ZNF469: variants seen among roughly 807,000 people sequenced by gnomAD.
The protein encoded by ZNF469 is zinc finger protein 469.
A neutral mutation model predicts 1.0 loss-of-function variants in ZNF469; 1 was observed. The observed-to-expected ratio is 1.00, with a 90% confidence interval of 0.35 to 4.73. The LOEUF (loss-of-function observed/expected upper bound fraction) is 4.73, where lower values mean the gene tolerates loss of function less well. Ranked by LOEUF, ZNF469 falls within the 30% of genes most tolerant of loss-of-function variation. The probability of loss-of-function intolerance (pLI) is 0.16; values close to 1 mark genes in which losing one functional copy is unlikely to be tolerated. For synonymous variants in ZNF469, 2,703 were observed against 2,363.4 expected (o/e 1.14, Z -4.17); for missense variants, 6,100 against 5,356.3 (o/e 1.14, Z -4.33).
At chr16:88,210,108 G>A in the ZNF469 span, among the ~76,000 whole-genome samples, 3 of 152,198 alleles carry the variant, frequency 2.0e-5, no homozygotes, top group Non-Finnish European at 2.9e-5. Context: ...AAATGAGACC[G>A]CAATGTAGCT....
At chr16:88,408,165 T>G (rs942983944) in intron 1 of ZNF469, among the ~76,000 whole-genome samples, 4 of 152,344 alleles carry the variant, frequency 2.6e-5, no homozygotes, top group East Asian at 1.9e-4. Flanking sequence ...TTGTGTGTGT[T>G]TTTTTGCAAA....
the ZNF469 span, among the ~76,000 whole-genome samples, chr16:88,280,113 T>C: frequency 6.6e-6 from 1 of 151,754 alleles, no homozygotes; most frequent in Non-Finnish European, 1.5e-5. Context: ...GCATGGTTAG[T>C]GCTGTGCCAT....
At chr16:88,297,780 C>T in the ZNF469 span, among the ~76,000 whole-genome samples, 40 of 152,204 alleles carry the variant, frequency 2.6e-4, no homozygotes, top group Non-Finnish European at 3.5e-4. Context: ...GTCTCCAGAA[C>T]CTTCACTTAG....
At chr16:88,335,521 C>A in the ZNF469 span, among the ~76,000 whole-genome samples, 1 of 152,228 alleles carries the variant, frequency 6.6e-6, no homozygotes, top group Non-Finnish European at 1.5e-5. Context: ...CCCTCCTCGG[C>A]CCCTCAGGGC....
the ZNF469 span, among the ~76,000 whole-genome samples, chr16:88,229,219 A>T: frequency 1.8e-4 from 27 of 152,194 alleles, no homozygotes; most frequent in African/African-American, 6.5e-4. Context: ...TTTCTCGAGA[A>T]AAAAAACAAC....
At chr16:88,368,203 A>G in the ZNF469 span, among the ~76,000 whole-genome samples, 1 of 152,390 alleles carries the variant, frequency 6.6e-6, no homozygotes, top group Admixed American at 6.5e-5. Flanking sequence ...CCTTCTGGAC[A>G]GTGACCGGGT....
the ZNF469 span, among the ~76,000 whole-genome samples, chr16:88,108,002 G>C: frequency 6.6e-6 from 1 of 152,232 alleles, no homozygotes; most frequent in Non-Finnish European, 1.5e-5. Flanking sequence ...TCCTCCATGC[G>C]ATCTGTATGT....
At chr16:88,418,839 C>T (rs146466163) in intron 1 of ZNF469, among the ~76,000 whole-genome samples, 67 of 152,328 alleles carry the variant, frequency 4.4e-4, no homozygotes, top group African/African-American at 6.7e-4. Flanking sequence ...TTAAGCAAAG[C>T]GGCAGCGTTT....
chr16:88,176,942 G>A, the ZNF469 span, among the ~76,000 whole-genome samples: 1 of 152,250 alleles, frequency 6.6e-6, no homozygotes, highest in Non-Finnish European at 1.5e-5. Flanking sequence ...GCAAGGTGGG[G>A]CGTAGCTCGT....
chr16:88,394,418 A>G (rs950885018), intron 1 of ZNF469, among the ~76,000 whole-genome samples: 2 of 152,256 alleles, frequency 1.3e-5, no homozygotes, highest in African/African-American at 4.8e-5. Flanking sequence ...TTAGCCCGGC[A>G]TAACCGCAAT....
At chr16:88,165,594 GCTAA>G in the ZNF469 span, among the ~76,000 whole-genome samples, 2 of 152,164 alleles carry the variant, frequency 1.3e-5, no homozygotes, top group Non-Finnish European at 2.9e-5. Context: ...GCTTCAGCAC[GCTAA>G]CTTTTTTCCA....
At chr16:88,193,845 A>T in the ZNF469 span, among the ~76,000 whole-genome samples, 87,205 of 152,068 alleles carry the variant, frequency 0.57, 25,405 homozygotes, top group African/African-American at 0.6. Flanking sequence ...TAGATGGTTA[A>T]CTTACTGCGC....
At chr16:88,269,682 G>T in the ZNF469 span, among the ~76,000 whole-genome samples, 48,027 of 151,512 alleles carry the variant, frequency 0.32, 8,362 homozygotes, top group East Asian at 0.46. Context: ...TGCACCTGCT[G>T]GTTGGTATCC....
At chr16:88,238,188 C>T in the ZNF469 span, among the ~76,000 whole-genome samples, 23,090 of 151,658 alleles carry the variant, frequency 0.15, 982 homozygotes, top group South Asian at 0.34. Flanking sequence ...GATGCCCACG[C>T]TGCCATGTGG....
rs542893052 is a variant in ZNF469, at chr16:88,422,910, G to A, written c.-191-1897G>A. 1.7e-3 allele frequency among the ~76,000 whole-genome samples: 251 copies of A among 150,720 alleles called. 1 individual carries two copies. The highest frequency in any genetic ancestry group is 5.9e-3 in the African/African-American group (242 of 40,940). ...TGGATGGATGGACGGACAGACGGACGGATGGGTGGATGGGTGATGGATGGG... is the reference window on the plus strand; with the variant it reads ...TGGATGGATGGACGGACAGACGGACAGATGGGTGGATGGGTGATGGATGGG... On this transcript the variant is annotated intron_variant, in intron 1 of 2. Coordinates refer to ENST00000565624, the MANE Select transcript of ZNF469 (RefSeq NM_001367624.2).
chr16:88,134,773 G>A, the ZNF469 span, among the ~76,000 whole-genome samples: 1 of 152,212 alleles, frequency 6.6e-6, no homozygotes, highest in African/African-American at 2.4e-5. Context: ...TGGATTGTGA[G>A]TTAGGATGGA....
the ZNF469 span, among the ~76,000 whole-genome samples, chr16:88,117,660 A>G: frequency 3.3e-3 from 281 of 84,450 alleles, 1 homozygote; most frequent in Non-Finnish European, 3.8e-3. Context: ...GTGTCTTCAC[A>G]AACCGTGGAG....
In ZNF469 at chr16:88,437,796, G is replaced by A. The variant is rs56236932; in HGVS notation, c.10326G>A (p.Arg3442=). ...QFDRHMNKHL[R]GGRQPFAFRG... is the part of the protein sequence containing the mutation. ...ACCGCCACATGAACAAGCACCTCAG[G>A]GGGGGGCGGCAGCCCTTCGCGTTCC... The change falls in exon 3 of 3, where the codon AGG becomes AGA. Residue 3442 remains arginine, a synonymous_variant. Transcript: ENST00000565624. The A allele has an allele frequency of 3.4e-5, 53 of 1,546,354 alleles. No homozygotes were observed. Among genetic ancestry groups the A allele is most frequent in the Middle Eastern group, 1.7e-4 (1 of 5,982 alleles).
At chr16:88,390,123 G>A (rs1048896977) in intron 1 of ZNF469, among the ~76,000 whole-genome samples, 6 of 152,296 alleles carry the variant, frequency 3.9e-5, no homozygotes, top group South Asian at 4.2e-4. Flanking sequence ...CACTGGCTCC[G>A]AACTGACACT....
Sources: allele counts gnomAD v4.1 joint callset (sites outside exome capture counted in the v4.1 genomes callset), GRCh38; gene constraint gnomAD v4.1.1; transcripts MANE v1.5; gene names NCBI Gene and HGNC (gene_info 2026-07-23, HGNC 2026-07-21).